The following TULP4 variants were observed in gnomAD, a reference collection of about 807,000 sequenced individuals.
The protein encoded by TULP4 is tubby-related protein 4.
TULP4 carries 16 observed loss-of-function variants against 129.0 expected under a neutral mutation model. That is an observed-to-expected ratio of 0.12 (90% CI 0.08 to 0.19). The LOEUF (loss-of-function observed/expected upper bound fraction) is 0.19. Ranked by LOEUF, TULP4 falls within the 10% of genes least tolerant of loss-of-function variation. TULP4 has a pLI of 1.00. For missense variants in TULP4, 1,842 were observed against 2,059.1 expected, an observed-to-expected ratio of 0.89 and a Z score of 2.04; for synonymous variants, 998 against 854.0, an observed-to-expected ratio of 1.17 and a Z score of -2.94.
At chr6:158,307,551 G>A (rs1037336173), upstream of TULP4, among the ~76,000 whole-genome samples, 19 of 151,506 alleles carry the variant, frequency 1.3e-4, no homozygotes, top group African/African-American at 2.4e-4. Context: ...GTGTGATGTC[G>A]GCTCACTGCA....
intron 1 of TULP4, among the ~76,000 whole-genome samples, chr6:158,261,788 C>G (rs1373969793): frequency 6.6e-6 from 1 of 152,124 alleles, no homozygotes; most frequent in Non-Finnish European, 1.5e-5. Flanking sequence ...CCGCCTTTCT[C>G]TTTCACCATC....
chr6:158,363,755 G>A (rs1370859037), intron 1 of TULP4, among the ~76,000 whole-genome samples: 1 of 152,100 alleles, frequency 6.6e-6, no homozygotes, highest in African/African-American at 2.4e-5. Flanking sequence ...AAAGTGCTGG[G>A]ATTACAGGCG....
At chr6:158,246,020 A>AGGGGG (rs35127073) in intron 1 of TULP4, among the ~76,000 whole-genome samples, 2 of 102,918 alleles carry the variant, frequency 1.9e-5, no homozygotes, top group South Asian at 3.5e-4. Flanking sequence ...CCTACCCCTT[A>AGGGGG]GGGGTGTGTG....
At chr6:158,450,635 A>G (rs187256689) in intron 4 of TULP4, among the ~76,000 whole-genome samples, 363 of 152,200 alleles carry the variant, frequency 2.4e-3, no homozygotes, top group Admixed American at 6.7e-3. Flanking sequence ...AGTGTTGGTC[A>G]TATTTCTACA....
chr6:158,491,886 T>C (rs1289323679), intron 9 of TULP4, among the ~76,000 whole-genome samples: 1 of 150,830 alleles, frequency 6.6e-6, no homozygotes, highest in Non-Finnish European at 1.5e-5. Flanking sequence ...CGAGCTGGAG[T>C]CTTGCTCTGT....
upstream of TULP4, among the ~76,000 whole-genome samples, chr6:158,278,590 A>G (rs1243244231): frequency 6.6e-6 from 1 of 152,146 alleles, no homozygotes; most frequent in Non-Finnish European, 1.5e-5. Flanking sequence ...GTTTGATGTT[A>G]TTTGAGAACA....
intron 1 of TULP4, among the ~76,000 whole-genome samples, chr6:158,348,932 C>G (rs1462502301): frequency 7.4e-6 from 1 of 134,520 alleles, no homozygotes; most frequent in African/African-American, 2.9e-5. Flanking sequence ...AGAGGCACTC[C>G]TCACCTCCCA....
chr6:158,237,431 T>C (rs898697176), intron 1 of TULP4: 20 of 1,587,370 alleles, frequency 1.3e-5, no homozygotes, highest in Admixed American at 6.7e-5. Flanking sequence ...GGGGGTATGA[T>C]GTTACTTGTA....
chr6:158,480,988 A>C, intron 7 of TULP4, 67 bp from the exon 8 acceptor site: 1 of 1,444,302 alleles, frequency 6.9e-7, no homozygotes, highest in South Asian at 1.4e-5. Flanking sequence ...CCCCGTGCCC[A>C]CTCTCTTTCC....
intron 1 of TULP4, among the ~76,000 whole-genome samples, chr6:158,372,100 C>T (rs1777082475): frequency 6.6e-6 from 1 of 150,434 alleles, no homozygotes; most frequent in Non-Finnish European, 1.5e-5. Context: ...CAGGCATAAG[C>T]CACCATGCCA....
intron 1 of TULP4, among the ~76,000 whole-genome samples, chr6:158,236,351 C>A (rs1202414798): frequency 6.6e-6 from 1 of 152,114 alleles, no homozygotes; most frequent in African/African-American, 2.4e-5. Context: ...TATTAAACAT[C>A]TCAATTTATA....
At chr6:158,480,073 T>TGGGGCCATGTGCAG (rs2128250190) in intron 7 of TULP4, 98 bp downstream of exon 7, 8 of 917,640 alleles carry the variant, frequency 8.7e-6, no homozygotes, top group Non-Finnish European at 9.9e-6. Context: ...AGTGAGCACA[T>TGGGGCCATGTGCAG]GGGGCCATGT....
chr6:158,239,469 C>G (rs1777807949), intron 1 of TULP4, among the ~76,000 whole-genome samples: 1 of 69,048 alleles, frequency 1.4e-5, no homozygotes, highest in African/African-American at 4.7e-5. Flanking sequence ...GGCTGACCCC[C>G]CCACCTCCCT....
At chr6:158,477,032 T>G (rs142046549) in intron 6 of TULP4, among the ~76,000 whole-genome samples, 9 of 152,180 alleles carry the variant, frequency 5.9e-5, no homozygotes, top group African/African-American at 1.7e-4. Flanking sequence ...GTAGAACGGA[T>G]GCAGTGAATT....
At chr6:158,437,864 G>A (rs747199844) in intron 3 of TULP4, 3 of 152,206 alleles carry the variant, frequency 2.0e-5, no homozygotes, top group Non-Finnish European at 2.9e-5. Flanking sequence ...GATCCCTTGA[G>A]CCCAGGAGTT....
chr6:158,361,628 A>G (rs1299543655), intron 1 of TULP4, among the ~76,000 whole-genome samples: 1 of 152,254 alleles, frequency 6.6e-6, no homozygotes, highest in African/African-American at 2.4e-5. Flanking sequence ...TTTTTGAGAT[A>G]CAAGTCACAT....
At chr6:158,282,990 G>C (rs888191181) in intron 1 of TULP4, 6 of 151,982 alleles carry the variant, frequency 3.9e-5, no homozygotes, top group African/African-American at 1.5e-4. Flanking sequence ...ACAAAAATTA[G>C]TTGAGCATGG....
In TULP4 at chr6:158,236,795, C is replaced by CTTTTCTTTTTTTTTTTTTT. The variant is rs1554272522; in HGVS notation, n.68+4496_68+4497insCTTTTTTTTTTTTTTTTTT. Among the ~76,000 whole-genome samples the CTTTTCTTTTTTTTTTTTTT allele has an allele frequency of 7.0e-4, 44 of 63,300 alleles. 2 individuals are homozygous for CTTTTCTTTTTTTTTTTTTT. The highest frequency in any genetic ancestry group is 1.7e-3 in the African/African-American group (24 of 13,918). The allele number at this position is 63,300 out of a possible 152,430, so 41.5% of individuals were successfully genotyped here. The stretch of plus-strand genomic sequence containing the variant: ...AGATGGGTAAATGCCCAATTCTTTT[C>CTTTTCTTTTTTTTTTTTTT]TTTTTTTTTTTTTTTTTTTTTTTTT... On this transcript the variant is annotated intron_variant and non_coding_transcript_variant, in intron 1 of 1. Transcript: ENST00000620026.
At chr6:158,418,076 T>A (rs1254255609) in intron 2 of TULP4, among the ~76,000 whole-genome samples, 2 of 150,982 alleles carry the variant, frequency 1.3e-5, no homozygotes, top group Admixed American at 1.3e-4. Context: ...AGAACTGGAG[T>A]TTCTGCCTTT....
Sources: allele counts gnomAD v4.1 joint callset (sites outside exome capture counted in the v4.1 genomes callset), GRCh38; gene constraint gnomAD v4.1.1; transcripts MANE v1.5; gene names NCBI Gene and HGNC (gene_info 2026-07-23, HGNC 2026-07-21).